The following PCCA variants were observed in gnomAD, a reference collection of about 807,000 sequenced individuals.
PCCA encodes the protein propionyl-CoA carboxylase subunit alpha.
In PCCA, 74 loss-of-function variants were observed where a neutral mutation model predicts 101.3. The observed-to-expected ratio is 0.73, with a 90% CI of 0.61 to 0.89. The LOEUF is 0.89. Among genes scored for constraint, PCCA ranks in the 40% least tolerant of loss-of-function variants. PCCA has a pLI of 0.00. For synonymous variants in PCCA, 294 were observed against 313.6 expected, an observed-to-expected ratio of 0.94 and a Z score of 0.66; for missense variants, 891 against 907.0, an observed-to-expected ratio of 0.98 and a Z score of 0.23.
At chr13:100,497,171 T>TTCA (rs2152985770) in intron 21 of PCCA, among the ~76,000 whole-genome samples, 1 of 152,324 alleles carries the variant, frequency 6.6e-6, no homozygotes, top group South Asian at 2.1e-4. Context: ...TCAAAGAAGT[T>TTCA]TCATCACAGG....
Position 100,273,331 on chromosome 13 carries a change from G to T in PCCA, c.1050G>T (p.Met350Ile), listed in dbSNP as rs1214622423. 6.2e-7 allele frequency: 1 copy of T among 1,612,544 alleles called. No homozygotes were observed. The highest frequency in any genetic ancestry group is 2.2e-5 in the East Asian group (1 of 44,852). The change falls in exon 12 of 24, where the codon ATG becomes ATT. Residue 350 changes from methionine to isoleucine, a missense_variant. Transcript: ENST00000376285. The stretch of plus-strand genomic sequence containing the variant: ...AGAAGAATTTTTATTTCTTGGAAAT[G>T]AATACAAGACTCCAGGTAACAACAA... ...DSKKNFYFLE[M>I]NTRLQVEHPV...
At chr13:100,166,375 C>A (rs2055033730) in intron 6 of PCCA, among the ~76,000 whole-genome samples, 1 of 152,144 alleles carries the variant, frequency 6.6e-6, no homozygotes, top group African/African-American at 2.4e-5. Context: ...AGTGCAGTGG[C>A]ACAACTTCCG....
chr13:100,466,497 C>T (rs1469092574), intron 21 of PCCA, among the ~76,000 whole-genome samples: 5 of 152,070 alleles, frequency 3.3e-5, no homozygotes, highest in East Asian at 1.9e-4. Flanking sequence ...CTAAGGTATC[C>T]GTGTTAATTA....
rs370645137 is a variant in PCCA at position 100,375,290 on chromosome 13, G to T, written c.1746+6716G>T. 1.0e-3 allele frequency among the ~76,000 whole-genome samples: 158 copies of T among 152,170 alleles called. 4 individuals carry two copies. The South Asian group carries it at 0.03, about 29-fold the overall frequency. ...CTGAGGAGTGTTTTACTTCCAATTAGGTGGTCAATTTTTGAATAAGTTCCA... is the reference window on the plus strand; with the variant it reads ...CTGAGGAGTGTTTTACTTCCAATTATGTGGTCAATTTTTGAATAAGTTCCA... On this transcript the variant is annotated intron_variant, in intron 19 of 23. Coordinates refer to ENST00000376285, the MANE Select transcript of PCCA (RefSeq NM_000282.4).
chr13:100,275,407 G>A (rs1046570277), intron 12 of PCCA, among the ~76,000 whole-genome samples: 2 of 152,152 alleles, frequency 1.3e-5, no homozygotes, highest in African/African-American at 2.4e-5. Flanking sequence ...GGAAGCTGAT[G>A]TTCTGGGCTC....
intron 8 of PCCA, among the ~76,000 whole-genome samples, chr13:100,245,733 A>G (rs2061391448): frequency 6.6e-6 from 1 of 152,110 alleles, no homozygotes; most frequent in Admixed American, 6.5e-5. Context: ...TCTCCTAAAT[A>G]TTTCTTGAAT....
At chr13:100,191,867 A>G (rs2057765812) in intron 6 of PCCA, among the ~76,000 whole-genome samples, 1 of 152,190 alleles carries the variant, frequency 6.6e-6, no homozygotes, top group South Asian at 2.1e-4. Context: ...TATTATATAC[A>G]ATGCCAGCTT....
intron 12 of PCCA, among the ~76,000 whole-genome samples, chr13:100,297,095 G>C (rs1184912639): frequency 6.6e-6 from 1 of 152,120 alleles, no homozygotes; most frequent in Non-Finnish European, 1.5e-5. Context: ...TTTGCATTCT[G>C]GGCAGGAATA....
chr13:100,208,477 A>G (rs1406258164), intron 6 of PCCA, among the ~76,000 whole-genome samples: 1 of 152,302 alleles, frequency 6.6e-6, no homozygotes, highest in African/African-American at 2.4e-5. Flanking sequence ...GCCTGCATAT[A>G]GGTCTGGTTT....
At chr13:100,400,067 C>T (rs149212701) in intron 19 of PCCA, among the ~76,000 whole-genome samples, 6 of 152,242 alleles carry the variant, frequency 3.9e-5, no homozygotes, top group East Asian at 1.9e-4. Context: ...AACAAAAGGA[C>T]GACTGGGACT....
At chr13:100,205,538 C>CTTTTTTTTTTTTTTTTTTTTTTTT (rs3034652) in intron 6 of PCCA, among the ~76,000 whole-genome samples, 1 of 112,136 alleles carries the variant, frequency 8.9e-6, no homozygotes, top group Non-Finnish European at 1.7e-5. Flanking sequence ...TTGATATAAG[C>CTTTTTTTTTTTTTTTTTTTTTTTT]TTTTTTTTTT....
At chr13:100,124,624 G>A (rs1385852734) in intron 4 of PCCA, among the ~76,000 whole-genome samples, 1 of 152,084 alleles carries the variant, frequency 6.6e-6, no homozygotes, top group Admixed American at 6.6e-5. Flanking sequence ...AATAGGACTT[G>A]GTGATGTCTA....
chr13:100,350,595 G>C (rs941557311), intron 18 of PCCA, among the ~76,000 whole-genome samples: 3 of 152,132 alleles, frequency 2.0e-5, no homozygotes, highest in African/African-American at 7.2e-5. Flanking sequence ...GATACTAAGT[G>C]GATAAGAAAG....
chr13:100,437,021 G>T (rs530988101), intron 20 of PCCA, among the ~76,000 whole-genome samples: 1 of 152,126 alleles, frequency 6.6e-6, no homozygotes, highest in African/African-American at 2.4e-5. Flanking sequence ...GCCTCTGTTT[G>T]CTCTGGGTAG....
intron 2 of PCCA, among the ~76,000 whole-genome samples, chr13:100,106,824 T>C (rs2047844381): frequency 6.6e-6 from 1 of 152,232 alleles, no homozygotes; most frequent in Non-Finnish European, 1.5e-5. Flanking sequence ...TTCTGCTCCC[T>C]GCTATCTTTG....
chr13:100,469,211 CAAA>C lies in PCCA; in HGVS notation c.1899+19920_1899+19922del, dbSNP rs534361898. 5.1e-4 allele frequency among the ~76,000 whole-genome samples: 33 copies of C among 65,032 alleles called. 2 individuals are homozygous for C. The East Asian group carries it at 5.4e-3, about 11-fold the overall frequency. The allele number at this position is 65,032 out of a possible 152,430, so 42.7% of individuals were successfully genotyped here. A position where few individuals can be genotyped will look rare whatever the true frequency, so the allele number is the denominator to read the frequency against. On this transcript the variant is annotated intron_variant, in intron 21 of 23. Coordinates refer to ENST00000376285, the MANE Select transcript of PCCA (RefSeq NM_000282.4). The stretch of plus-strand genomic sequence containing the variant: ...GGGCAACAAGAGTGAAACTCCGTCT[CAAA>C]AAAAAAAAAAAAAGAATCCCTTTGG...
chr13:100,286,788 T>G (rs144786659), intron 12 of PCCA, among the ~76,000 whole-genome samples: 17 of 151,868 alleles, frequency 1.1e-4, no homozygotes, highest in African/African-American at 3.6e-4. Context: ...TAACAAATAC[T>G]CGTATGAAAA....
At chr13:100,316,517 C>G (rs1036527168) in intron 16 of PCCA, among the ~76,000 whole-genome samples, 2 of 152,118 alleles carry the variant, frequency 1.3e-5, no homozygotes, top group African/African-American at 4.8e-5. Context: ...TATGATTTAT[C>G]CTGTGAAACT....
At chr13:100,136,949 T>G (rs2051255912) in intron 4 of PCCA, among the ~76,000 whole-genome samples, 1 of 152,034 alleles carries the variant, frequency 6.6e-6, no homozygotes. Context: ...TTTGCTTTTC[T>G]TTTTCTGGTT....
Sources: gnomAD v4.1 joint callset for allele counts (sites outside exome capture counted in the v4.1 genomes callset) on GRCh38, gnomAD v4.1.1 for gene constraint, MANE v1.5 for transcripts, NCBI Gene and HGNC (gene_info 2026-07-23, HGNC 2026-07-21) for gene names.